The following CNTNAP4 variants were observed in gnomAD, a reference collection of about 807,000 sequenced individuals.
The protein encoded by CNTNAP4 is contactin associated protein family member 4, also known as contactin-associated protein-like 4.
Under a neutral mutation model 148.4 loss-of-function variants are expected in CNTNAP4, and 98 were observed. The ratio of observed to expected loss-of-function variants is 0.66; its 90% confidence interval spans 0.56 to 0.78. The LOEUF (loss-of-function observed/expected upper bound fraction) is 0.78. Among genes scored for constraint, CNTNAP4 ranks in the 30% least tolerant of loss-of-function variants. CNTNAP4 has a pLI of 0.00. For missense variants in CNTNAP4, 1,935 were observed against 1,565.6 expected (o/e 1.24, Z -3.98); for synonymous variants, 730 against 565.1 (o/e 1.29, Z -4.14).
chr16:76,482,780 G>T (rs1414440238), intron 12 of CNTNAP4, among the ~76,000 whole-genome samples: 2 of 152,080 alleles, frequency 1.3e-5, no homozygotes, highest in African/African-American at 2.4e-5. Context: ...AGACAGCACT[G>T]CAGGTGCTTC....
intron 3 of CNTNAP4, among the ~76,000 whole-genome samples, chr16:76,386,869 C>T (rs1367400608): frequency 6.6e-6 from 1 of 151,960 alleles, no homozygotes; most frequent in African/African-American, 2.4e-5. Flanking sequence ...TCAAAGGAGG[C>T]CTAAAAGGAG....
chr16:76,451,103 A>G lies in CNTNAP4; in HGVS notation c.1071+1245A>G, dbSNP rs1004366880. ...GGGCTTGCTGTCGGTCGGTTGGGCC[A>G]GCTGTCAGGAAGAAGAGATGGGCCA... is the stretch of plus-strand genomic sequence containing the variant. On this transcript the variant is annotated intron_variant, in intron 7 of 23. Transcript: ENST00000611870. Among the ~76,000 whole-genome samples, 7 of 152,188 alleles carry G rather than the reference A, an allele frequency of 4.6e-5. No individual in the cohort carries two copies. The East Asian group carries it at 1.3e-3, about 29-fold the overall frequency.
intron 2 of CNTNAP4, among the ~76,000 whole-genome samples, chr16:76,348,452 G>C (rs561611742): frequency 6.6e-5 from 10 of 152,174 alleles, no homozygotes; most frequent in Middle Eastern, 3.4e-3. Context: ...AATGCAGAGA[G>C]AAAAGAAGGA....
At chr16:76,479,058 G>C (rs753944865) in intron 11 of CNTNAP4, among the ~76,000 whole-genome samples, 23 of 152,166 alleles carry the variant, frequency 1.5e-4, no homozygotes, top group Non-Finnish European at 2.9e-4. Context: ...TTTCCAAAAT[G>C]TGTGCCACAA....
chr16:76,452,363 A>G lies in CNTNAP4; in HGVS notation c.1072-145A>G, dbSNP rs1452348464. On this transcript the variant is annotated intron_variant, in intron 7 of 23. Transcript: ENST00000611870. ...AAGGGTTGAAGAACCTTTAAGAAAT[A>G]TGGCAGTGGTTTGGACTGTCATGTT... The G allele has an allele frequency of 4.4e-6, 3 of 684,110 alleles. No individual in the cohort carries two copies. The East Asian group carries it at 8.1e-5, about 18-fold the overall frequency. The allele number at this position is 684,110 out of a possible 1,614,324, so 42.4% of individuals were successfully genotyped here. A position where few individuals can be genotyped will look rare whatever the true frequency, so the allele number is the denominator to read the frequency against.
intron 21 of CNTNAP4, among the ~76,000 whole-genome samples, chr16:76,545,228 A>T (rs2084659494): frequency 1.3e-5 from 2 of 152,192 alleles, no homozygotes; most frequent in Admixed American, 6.5e-5. Flanking sequence ...GACTGTCTTC[A>T]GTGCGTAGCA....
At chr16:76,540,011 A>C (rs1195279783) in intron 20 of CNTNAP4, among the ~76,000 whole-genome samples, 159 bp downstream of exon 20, 1 of 152,148 alleles carries the variant, frequency 6.6e-6, no homozygotes, top group African/African-American at 2.4e-5. Flanking sequence ...TCTTTTAAGC[A>C]ATAAGATTTT....
chr16:76,315,222 C>T (rs930888294), intron 1 of CNTNAP4, among the ~76,000 whole-genome samples: 1 of 151,222 alleles, frequency 6.6e-6, no homozygotes, highest in African/African-American at 2.4e-5. Flanking sequence ...TCATACATGT[C>T]TCCTGGTGCA....
In CNTNAP4 at chr16:76,316,271, C is replaced by A. The variant is rs146651019; in HGVS notation, c.86-142C>A. 163 of 710,184 alleles carry A rather than the reference C, an allele frequency of 2.3e-4. No individual in the cohort carries two copies. In the African/African-American group the frequency reaches 2.4e-3, roughly 10 times the overall value. 44.0% of individuals were successfully genotyped at this position (710,184 alleles called of 1,614,324 possible). On this transcript the variant is annotated intron_variant, in intron 1 of 23. Coordinates refer to ENST00000611870, the MANE Select transcript of CNTNAP4 (RefSeq NM_033401.5). ...TGAACTTACTAGACTTCTAGTAAGC[C>A]CTGGAAGTAGTAGGCATATTTTTAG... is the stretch of plus-strand genomic sequence containing the variant.
chr16:76,490,829 A>G (rs916901106), intron 13 of CNTNAP4, among the ~76,000 whole-genome samples: 1 of 152,126 alleles, frequency 6.6e-6, no homozygotes, highest in African/African-American at 2.4e-5. Context: ...TAGCAGTGGC[A>G]TTGAGGTGTA....
At chr16:76,327,978 G>C (rs1963159417) in intron 2 of CNTNAP4, among the ~76,000 whole-genome samples, 1 of 152,178 alleles carries the variant, frequency 6.6e-6, no homozygotes, top group Non-Finnish European at 1.5e-5. Flanking sequence ...CAATGTGAGT[G>C]ATCAAACTTT....
intron 3 of CNTNAP4, among the ~76,000 whole-genome samples, chr16:76,415,635 CACCTGTTTA>C (rs2078945393): frequency 7.9e-6 from 1 of 126,480 alleles, no homozygotes; most frequent in Non-Finnish European, 1.9e-5. Context: ...TAAATGTAAA[CACCTGTTTA>C]ACCCCACAAA....
At chr16:76,405,397 G>A (rs2078567996) in intron 3 of CNTNAP4, among the ~76,000 whole-genome samples, 1 of 152,146 alleles carries the variant, frequency 6.6e-6, no homozygotes, top group African/African-American at 2.4e-5. Context: ...GGATAACACA[G>A]GGAGGAGGGG....
intron 4 of CNTNAP4, among the ~76,000 whole-genome samples, chr16:76,444,594 A>G (rs982586249): frequency 2.6e-5 from 4 of 152,050 alleles, no homozygotes; most frequent in Admixed American, 1.3e-4. Flanking sequence ...AGGTTTTTAT[A>G]TGATTAACTT....
intron 2 of CNTNAP4, among the ~76,000 whole-genome samples, chr16:76,334,938 G>A (rs1272790338): frequency 1.3e-5 from 2 of 151,996 alleles, no homozygotes; most frequent in Non-Finnish European, 2.9e-5. Flanking sequence ...CTAACCAGAT[G>A]GAAAGGTTGA....
Position 76,488,348 on chromosome 16 carries a change from A to G in CNTNAP4, c.1883-1338A>G, listed in dbSNP as rs553814338. On this transcript the variant is annotated intron_variant, in intron 12 of 23. Coordinates refer to ENST00000611870, the MANE Select transcript of CNTNAP4 (RefSeq NM_033401.5). ...TCTGTTTGAGAGCATTCTACTGTTG[A>G]AGGGTGAACTGAAATGCAAGGGGGA... is the stretch of plus-strand genomic sequence containing the variant. 4.6e-5 allele frequency among the ~76,000 whole-genome samples: 7 copies of G among 152,284 alleles called. No individual in the cohort carries two copies. In the East Asian group the frequency reaches 1.4e-3, roughly 29 times the overall value.
At chr16:76,498,788 C>A in intron 15 of CNTNAP4, 94 bp downstream of exon 15, 1 of 1,216,482 alleles carries the variant, frequency 8.2e-7, no homozygotes, top group Non-Finnish European at 1.1e-6. Flanking sequence ...CATATAATAA[C>A]TAATCAGACT....
intron 14 of CNTNAP4, among the ~76,000 whole-genome samples, chr16:76,496,830 G>A (rs532126570): frequency 6.6e-6 from 1 of 152,272 alleles, no homozygotes; most frequent in South Asian, 2.1e-4. Context: ...GAAATTAAGA[G>A]CAGTTATTAC....
chr16:76,324,644 T>C (rs555609759), intron 2 of CNTNAP4, among the ~76,000 whole-genome samples: 6 of 152,274 alleles, frequency 3.9e-5, no homozygotes, highest in Non-Finnish European at 7.4e-5. Context: ...TCTGGCTATA[T>C]GAATAATTAA....
Sources: allele counts gnomAD v4.1 joint callset (sites outside exome capture counted in the v4.1 genomes callset), GRCh38; gene constraint gnomAD v4.1.1; transcripts MANE v1.5; gene names NCBI Gene and HGNC (gene_info 2026-07-23, HGNC 2026-07-21).